The following SMARCC1 variants were observed in gnomAD, a reference collection of about 807,000 sequenced individuals.
SMARCC1 encodes SWI/SNF complex subunit SMARCC1.
A neutral mutation model predicts 147.4 loss-of-function variants in SMARCC1; 43 were observed. The observed-to-expected ratio is 0.29, with a 90% CI of 0.23 to 0.38. SMARCC1 has a LOEUF of 0.38. Among genes scored for constraint, SMARCC1 ranks in the 10% least tolerant of loss-of-function variants. The pLI, the probability that SMARCC1 is intolerant of heterozygous loss-of-function variation, is 1.00. For missense variants in SMARCC1, 1,119 were observed against 1,381.1 expected, an observed-to-expected ratio of 0.81 and a Z score of 3.01; for synonymous variants, 495 against 484.4, an observed-to-expected ratio of 1.02 and a Z score of -0.29.
intron 2 of SMARCC1, among the ~76,000 whole-genome samples, chr3:47,754,741 A>T (rs2034668040): frequency 6.6e-6 from 1 of 152,184 alleles, no homozygotes. Context: ...TAATCATGCG[A>T]GGTAAAAAAT....
Position 47,675,494 on chromosome 3 carries a change from G to T in SMARCC1, c.1820C>A (p.Ser607Tyr). The change falls in exon 18 of 28, where the codon TCC becomes TAC. Residue 607 changes from serine to tyrosine, a missense_variant. Coordinates refer to ENST00000254480, the MANE Select transcript of SMARCC1 (RefSeq NM_003074.4). ...AATTACCTTTGCTAATGTTTTCTTGGAGTAAATGTCAGTACGGAGACCAAA... is the reference window on the plus strand; with the variant it reads ...AATTACCTTTGCTAATGTTTTCTTGTAGTAAATGTCAGTACGGAGACCAAA... ...QNFGLRTDIYSKKTLAKSKGA... is the reference protein window; with the variant it reads ...QNFGLRTDIYYKKTLAKSKGA... 1 of 1,597,230 alleles carries T rather than the reference G, an allele frequency of 6.3e-7. No homozygotes were observed. The highest frequency in any genetic ancestry group is 8.6e-7 in the Non-Finnish European group (1 of 1,164,716).
At chr3:47,691,710 AC>A (rs2033791046) in intron 12 of SMARCC1, among the ~76,000 whole-genome samples, 1 of 151,752 alleles carries the variant, frequency 6.6e-6, no homozygotes, top group Admixed American at 6.6e-5. Context: ...ATCAATAATA[AC>A]TGTAATTGCC....
chr3:47,610,673 G>C (rs909318534), intron 25 of SMARCC1: 1 of 273,660 alleles, frequency 3.7e-6, no homozygotes, highest in Non-Finnish European at 7.1e-6. Flanking sequence ...TTCTATGGCT[G>C]TCTGAGTCTT....
At chr3:47,781,262 CTCGG>C (rs945479080) in intron 1 of SMARCC1, among the ~76,000 whole-genome samples, 17 of 152,252 alleles carry the variant, frequency 1.1e-4, no homozygotes, top group African/African-American at 3.6e-4. Flanking sequence ...ACCACGCTTG[CTCGG>C]TCTTTAGGGA....
In SMARCC1 at chr3:47,639,351, AATTATT is replaced by A. The variant is rs1397050637; in HGVS notation, c.2321-577_2321-572del. ...CACATATCAATAAATTACATGAGAAAATTATTATTTCAAATATGAGAAAATTATTAA... is the reference window on the plus strand; with the variant it reads ...CACATATCAATAAATTACATGAGAAAATTTCAAATATGAGAAAATTATTAA... On this transcript the variant is annotated intron_variant, in intron 21 of 27. Transcript: ENST00000254480. Among the ~76,000 whole-genome samples, 10 of 152,036 alleles carry A rather than the reference AATTATT, an allele frequency of 6.6e-5. No homozygotes were observed. In the East Asian group the frequency reaches 1.7e-3, roughly 26 times the overall value.
intron 2 of SMARCC1, among the ~76,000 whole-genome samples, chr3:47,748,723 T>C (rs187381711): frequency 6.6e-6 from 1 of 152,308 alleles, no homozygotes; most frequent in South Asian, 2.1e-4. Flanking sequence ...TAAGATGAAG[T>C]GTTATTAGAA....
chr3:47,744,216 A>T (rs2034541252), intron 3 of SMARCC1, among the ~76,000 whole-genome samples: 1 of 152,128 alleles, frequency 6.6e-6, no homozygotes, highest in African/African-American at 2.4e-5. Flanking sequence ...ATCTCAGCTC[A>T]CTGCAACCTC....
At chr3:47,773,995 GGAC>G (rs2034945005) in intron 1 of SMARCC1, among the ~76,000 whole-genome samples, 1 of 152,116 alleles carries the variant, frequency 6.6e-6, no homozygotes, top group African/African-American at 2.4e-5. Flanking sequence ...CCTTTCAGTT[GGAC>G]GAGAGAATTT....
intron 9 of SMARCC1, among the ~76,000 whole-genome samples, chr3:47,707,802 T>C (rs1482549870): frequency 6.6e-6 from 1 of 152,150 alleles, no homozygotes; most frequent in Non-Finnish European, 1.5e-5. Flanking sequence ...TAGCTTGTGC[T>C]CCGAAGGTCA....
At chr3:47,663,178 GGGAGA>G (rs1327111212) in intron 19 of SMARCC1, among the ~76,000 whole-genome samples, 2 of 93,556 alleles carry the variant, frequency 2.1e-5, no homozygotes, top group Non-Finnish European at 2.2e-5. Context: ...GGGAGAGGAG[GGGAGA>G]GGGGAGGGGA....
At position 47,712,301 on chromosome 3, in the gene SMARCC1, GA is replaced by G. The variant is rs145203560; in HGVS notation, c.793-1494del. ...TATAAATAGAGGCTTAAGCTAGTTA[GA>G]AAAAAAAAATAGGACTGTGCTAAAT... On this transcript the variant is annotated intron_variant, in intron 8 of 27. Transcript: ENST00000254480. 4.5e-3 allele frequency among the ~76,000 whole-genome samples: 663 copies of G among 147,140 alleles called. 7 individuals carry two copies. Among genetic ancestry groups the G allele is most frequent in the African/African-American group, 0.015 (622 of 40,418 alleles).
intron 23 of SMARCC1, among the ~76,000 whole-genome samples, chr3:47,635,731 G>C: frequency 6.6e-6 from 1 of 152,184 alleles, no homozygotes; most frequent in East Asian, 1.9e-4. Flanking sequence ...AGCCTGACAG[G>C]CATGATGGGG....
chr3:47,747,631 CAAA>C (rs562843551), intron 2 of SMARCC1, among the ~76,000 whole-genome samples: 86 of 150,692 alleles, frequency 5.7e-4, no homozygotes, highest in African/African-American at 2.1e-3. Context: ...GACCTTATCT[CAAA>C]AAACAAATTT....
At chr3:47,664,071 G>GT (rs2033387862) in intron 19 of SMARCC1, 2 of 453,802 alleles carry the variant, frequency 4.4e-6, no homozygotes, top group Non-Finnish European at 7.7e-6. Context: ...GACCCTTTGC[G>GT]TAACTGTAAC....
At chr3:47,754,639 A>G (rs1447709087) in intron 2 of SMARCC1, among the ~76,000 whole-genome samples, 1 of 152,190 alleles carries the variant, frequency 6.6e-6, no homozygotes, top group Non-Finnish European at 1.5e-5. Flanking sequence ...GCATTATTTT[A>G]AATGAGCAGC....
At chr3:47,733,315 C>T (rs967621533) in intron 5 of SMARCC1, among the ~76,000 whole-genome samples, 16 of 152,102 alleles carry the variant, frequency 1.1e-4, no homozygotes, top group African/African-American at 3.4e-4. Context: ...CTGCGGCTCA[C>T]GCCTGCAATC....
intron 11 of SMARCC1, 101 bp downstream of exon 11, chr3:47,701,177 A>C (rs932075408): frequency 1.1e-6 from 1 of 911,570 alleles, no homozygotes; most frequent in Non-Finnish European, 1.7e-6. Flanking sequence ...TCATACTTGA[A>C]AGTCGAGAAC....
chr3:47,656,126 G>A lies in SMARCC1; in HGVS notation c.2320+5168C>T, dbSNP rs570822636. 3.9e-5 allele frequency among the ~76,000 whole-genome samples: 6 copies of A among 152,040 alleles called. No homozygotes were observed. The East Asian group carries it at 5.8e-4, about 15-fold the overall frequency. On this transcript the variant is annotated intron_variant, in intron 21 of 27. Transcript: ENST00000254480. ...CTAGGGAGGCTGAGGCAGGAGAAGC[G>A]CTTGAACCTGGGAGGCGGAGGTTGC...
chr3:47,671,173 CAAAAAAAAAA>C (rs775759680), intron 18 of SMARCC1, among the ~76,000 whole-genome samples: 5 of 29,230 alleles, frequency 1.7e-4, no homozygotes, highest in African/African-American at 3.3e-4. Flanking sequence ...GAGACTATCT[CAAAAAAAAAA>C]AAAAAAAAAA....
Sources: allele counts gnomAD v4.1 joint callset (sites outside exome capture counted in the v4.1 genomes callset), GRCh38; gene constraint gnomAD v4.1.1; transcripts MANE v1.5; gene names NCBI Gene and HGNC (gene_info 2026-07-23, HGNC 2026-07-21).